The following UBOX5 variants were observed in gnomAD, a reference collection of about 807,000 sequenced individuals.
UBOX5 encodes the protein RING finger protein 37.
In UBOX5, 28 loss-of-function variants were observed where a neutral mutation model predicts 39.0. The ratio of observed to expected loss-of-function variants is 0.72; its 90% CI spans 0.53 to 0.98. The LOEUF (loss-of-function observed/expected upper bound fraction) is 0.98, where lower values mean the gene tolerates loss of function less well. Among genes scored for constraint, UBOX5 ranks in the 50% least tolerant of loss-of-function variants. The pLI is 0.00. For synonymous variants in UBOX5, 283 were observed against 275.5 expected (o/e 1.03, Z -0.27); for missense variants, 585 against 674.4 (o/e 0.87, Z 1.47).
intron 4 of UBOX5, 163 bp from the exon 5 acceptor site, chr20:3,110,477 G>A (rs1406989695): frequency 5.4e-6 from 4 of 747,172 alleles, no homozygotes; most frequent in Admixed American, 2.7e-5. Flanking sequence ...AGCGGGAGAG[G>A]GAGCCTGGGA....
intron 1 of UBOX5, chr20:3,148,216 A>G: frequency 6.2e-7 from 1 of 1,613,998 alleles, no homozygotes; most frequent in Middle Eastern, 1.6e-4. Flanking sequence ...CTATAACATA[A>G]ATTAAGTGAA....
chr20:3,118,909 A>C (rs1396272099), intron 3 of UBOX5, among the ~76,000 whole-genome samples: 2 of 152,174 alleles, frequency 1.3e-5, no homozygotes, highest in Non-Finnish European at 2.9e-5. Flanking sequence ...ACTGCACTCT[A>C]CCCTGAGTGA....
chr20:3,148,071 C>A, intron 1 of UBOX5: 1 of 1,614,166 alleles, frequency 6.2e-7, no homozygotes, highest in South Asian at 1.1e-5. Flanking sequence ...ATGACAAATT[C>A]AGAGAGATTA....
At chr20:3,124,905 G>T (rs1320422076) in intron 1 of UBOX5, among the ~76,000 whole-genome samples, 1 of 149,822 alleles carries the variant, frequency 6.7e-6, no homozygotes, top group Non-Finnish European at 1.5e-5. Context: ...GAGGTGAGGA[G>T]TGCCTCTGCC....
rs115821648 is a variant in UBOX5, at chr20:3,149,067, C to A, written c.-42+10699G>T. On this transcript the variant is annotated intron_variant, in intron 1 of 4. Coordinates refer to ENST00000217173, the MANE Select transcript of UBOX5 (RefSeq NM_014948.4). The surrounding 1 kb of genome is among the most constrained non-coding windows in gnomAD (Gnocchi z 4.1). ...AGTTTTAATGACTTGAGAGTAGCTG[C>A]CATTCTGGTGTCAGTATTGATCTCT... 4.7e-5 allele frequency: 75 copies of A among 1,608,068 alleles called. 2 individuals carry two copies. In the African/African-American group the frequency reaches 9.3e-4, roughly 20 times the overall value.
Position 3,149,180 on chromosome 20 carries a change from C to CCAGG in UBOX5, c.-42+10585_-42+10586insCCTG. On this transcript the variant is annotated intron_variant, in intron 1 of 4. Transcript: ENST00000217173. This position sits in a 1 kb window ranked among gnomAD's most constrained non-coding sequence, Gnocchi z 4.1. Reference sequence around the variant, plus strand: ...GATTAGAGCTGGACGGGGAGGTGTTCCACAAAAACTGCCTGGAAATCTTCA... The same window carrying CCAGG: ...GATTAGAGCTGGACGGGGAGGTGTTCCAGGCACAAAAACTGCCTGGAAATCTTCA... 1.6e-6 allele frequency: 2 copies of CCAGG among 1,218,308 alleles called. No individual in the cohort carries two copies. Among genetic ancestry groups the CCAGG allele is most frequent in the Non-Finnish European group, 2.3e-6 (2 of 879,588 alleles). The allele number at this position is 1,218,308 out of a possible 1,614,324, so 75.5% of individuals were successfully genotyped here. A position where few individuals can be genotyped will look rare whatever the true frequency, so the allele number is the denominator to read the frequency against.
At chr20:3,112,429 A>G (rs1166959393) in intron 4 of UBOX5, among the ~76,000 whole-genome samples, 1 of 97,396 alleles carries the variant, frequency 1.0e-5, no homozygotes, top group East Asian at 2.1e-4. Flanking sequence ...TCAGTGACAG[A>G]AAAAAAAAAA....
At chr20:3,118,506 C>T (rs1372195479) in intron 3 of UBOX5, among the ~76,000 whole-genome samples, 1 of 151,632 alleles carries the variant, frequency 6.6e-6, no homozygotes, top group Non-Finnish European at 1.5e-5. Context: ...TGTAGTGGCT[C>T]ACACCTGTAA....
At chr20:3,127,876 A>G (rs2066402461) in intron 1 of UBOX5, among the ~76,000 whole-genome samples, 1 of 152,164 alleles carries the variant, frequency 6.6e-6, no homozygotes, top group South Asian at 2.1e-4. Context: ...CTTTAAGTTC[A>G]TCATGATAGA....
At chr20:3,147,548 A>C in intron 1 of UBOX5, 1 of 1,614,204 alleles carries the variant, frequency 6.2e-7, no homozygotes, top group Non-Finnish European at 8.5e-7. Flanking sequence ...AAGGAGGTCA[A>C]ACTTAGTTCT....
At chr20:3,141,621 G>T (rs952859490) in intron 1 of UBOX5, among the ~76,000 whole-genome samples, 32 of 152,066 alleles carry the variant, frequency 2.1e-4, no homozygotes, top group African/African-American at 7.5e-4. Flanking sequence ...ACTCCGGCCT[G>T]GGCAACAAGA....
chr20:3,148,721 A>C (rs1568482091), intron 1 of UBOX5: 1 of 1,613,924 alleles, frequency 6.2e-7, no homozygotes, highest in Non-Finnish European at 8.5e-7. Context: ...CTGTAGGAAA[A>C]CTCGCATGTT....
intron 1 of UBOX5, among the ~76,000 whole-genome samples, chr20:3,132,169 G>A (rs944830967): frequency 1.3e-5 from 2 of 151,800 alleles, no homozygotes; most frequent in African/African-American, 4.8e-5. Flanking sequence ...AATTAGCTGG[G>A]CATGGTTGCG....
At chr20:3,143,303 T>C (rs1487534283) in intron 1 of UBOX5, among the ~76,000 whole-genome samples, 2 of 151,804 alleles carry the variant, frequency 1.3e-5, no homozygotes, top group East Asian at 1.9e-4. Flanking sequence ...GGTTTCACCA[T>C]GTTGGCAAGG....
chr20:3,144,785 C>T (rs2066545963), intron 1 of UBOX5, among the ~76,000 whole-genome samples: 1 of 152,132 alleles, frequency 6.6e-6, no homozygotes, highest in South Asian at 2.1e-4. Flanking sequence ...TGAATCCCAC[C>T]AGACTTCCTA....
chr20:3,126,094 A>C (rs1568473144), intron 1 of UBOX5, among the ~76,000 whole-genome samples: 1 of 152,254 alleles, frequency 6.6e-6, no homozygotes, highest in African/African-American at 2.4e-5. Context: ...GGGAAAAGAA[A>C]GAGAGATCAG....
chr20:3,128,440 GA>G (rs1449697232), intron 1 of UBOX5, among the ~76,000 whole-genome samples: 2 of 152,230 alleles, frequency 1.3e-5, no homozygotes, highest in African/African-American at 4.8e-5. Context: ...TGACACTAGA[GA>G]CAGACATATG....
At chr20:3,152,524 T>C (rs2066641413) in intron 1 of UBOX5, among the ~76,000 whole-genome samples, 1 of 151,806 alleles carries the variant, frequency 6.6e-6, no homozygotes, top group African/African-American at 2.4e-5. Context: ...GAGGAAGACC[T>C]ACTTTCGAAT....
At chr20:3,152,655 C>G (rs1261551780) in intron 1 of UBOX5, among the ~76,000 whole-genome samples, 3 of 152,082 alleles carry the variant, frequency 2.0e-5, no homozygotes, top group Non-Finnish European at 4.4e-5. Flanking sequence ...CACCTATAAT[C>G]CCAGCACTTC....
Sources: allele counts gnomAD v4.1 joint callset (sites outside exome capture counted in the v4.1 genomes callset), GRCh38; gene constraint gnomAD v4.1.1; non-coding constraint Gnocchi (gnomAD v3.1); transcripts MANE v1.5; gene names NCBI Gene and HGNC (gene_info 2026-07-23, HGNC 2026-07-21).